Variants in UNC5C observed in about 807,000 individuals in gnomAD.
UNC5C encodes unc-5 netrin receptor C.
A neutral mutation model predicts 99.8 loss-of-function variants in UNC5C; 47 were observed. The ratio of observed to expected loss-of-function variants is 0.47; its 90% CI spans 0.37 to 0.60. UNC5C has a LOEUF of 0.60. UNC5C is among the 20% of genes least tolerant of loss of function. The pLI is 0.00. For synonymous variants in UNC5C, 487 were observed against 452.2 expected, an observed-to-expected ratio of 1.08 and a Z score of -0.98; for missense variants, 1,062 against 1,165.9, an observed-to-expected ratio of 0.91 and a Z score of 1.30.
intron 1 of UNC5C, among the ~76,000 whole-genome samples, chr4:95,401,512 G>A (rs1162572091): frequency 6.6e-6 from 1 of 151,964 alleles, no homozygotes; most frequent in African/African-American, 2.4e-5. Context: ...TTAATATGTT[G>A]CCCAGGTTGG....
In UNC5C at chr4:95,548,807, T is replaced by C; in HGVS notation, c.51A>G (p.Gly17=). The C allele has an allele frequency of 6.2e-7, 1 of 1,613,134 alleles. No individual in the cohort carries two copies. The change falls in exon 1 of 16, where the codon GGA becomes GGG. Residue 17 remains glycine (G), a synonymous_variant. Transcript: ENST00000453304. ...ATAARCGLGL[G]YLLQMLVLPA... is the part of the protein sequence containing the mutation. ...GTAGCACGAGCATTTGCAGCAAGTATCCCAGTCCCAGTCCGCAGCGGGCCG... is the reference window on the plus strand; with the variant it reads ...GTAGCACGAGCATTTGCAGCAAGTACCCCAGTCCCAGTCCGCAGCGGGCCG...
intron 1 of UNC5C, among the ~76,000 whole-genome samples, chr4:95,400,165 G>A (rs1745645775): frequency 1.3e-5 from 2 of 152,114 alleles, no homozygotes; most frequent in Non-Finnish European, 1.5e-5. Context: ...CGTGCAGAAG[G>A]AGCCTGTGAC....
intron 7 of UNC5C, among the ~76,000 whole-genome samples, chr4:95,226,357 A>G (rs1481125247): frequency 6.6e-6 from 1 of 152,192 alleles, no homozygotes; most frequent in Non-Finnish European, 1.5e-5. Flanking sequence ...GGATATGAAT[A>G]CTTACATCTA....
At chr4:95,199,683 T>C (rs2149359322) in intron 12 of UNC5C, among the ~76,000 whole-genome samples, 1 of 152,314 alleles carries the variant, frequency 6.6e-6, no homozygotes, top group African/African-American at 2.4e-5. Flanking sequence ...ACAAGGTGGC[T>C]GAGGAGAGAA....
At chr4:95,479,335 C>T (rs1371252392) in intron 1 of UNC5C, among the ~76,000 whole-genome samples, 1 of 151,804 alleles carries the variant, frequency 6.6e-6, no homozygotes, top group Non-Finnish European at 1.5e-5. Context: ...TCTATGTGGG[C>T]TTAGGTGATA....
chr4:95,193,075 ATG>A (rs1375674802), intron 12 of UNC5C, among the ~76,000 whole-genome samples: 1 of 152,202 alleles, frequency 6.6e-6, no homozygotes, highest in African/African-American at 2.4e-5. Context: ...GAAATCCAGG[ATG>A]TGTTTCACTC....
chr4:95,424,502 A>ATTT (rs202226117), intron 1 of UNC5C, among the ~76,000 whole-genome samples: 1 of 95,842 alleles, frequency 1.0e-5, no homozygotes, highest in African/African-American at 4.0e-5. Context: ...GGGCTTCAGA[A>ATTT]TTTTTTTTTT....
chr4:95,215,742 T>C (rs1485109698), intron 10 of UNC5C, among the ~76,000 whole-genome samples: 1 of 152,172 alleles, frequency 6.6e-6, no homozygotes, highest in Non-Finnish European at 1.5e-5. Flanking sequence ...TGTCCAATCC[T>C]TTGTGACCTT....
At chr4:95,352,179 T>C (rs1744014923) in intron 1 of UNC5C, among the ~76,000 whole-genome samples, 1 of 152,136 alleles carries the variant, frequency 6.6e-6, no homozygotes, top group Non-Finnish European at 1.5e-5. Context: ...ATCAGACTCC[T>C]TACTAAGGCC....
At position 95,211,131 on chromosome 4, in the gene UNC5C, A is replaced by G. The variant is rs539232615; in HGVS notation, c.1734-4335T>C. On this transcript the variant is annotated intron_variant, in intron 10 of 15. Coordinates refer to ENST00000453304, the MANE Select transcript of UNC5C (RefSeq NM_003728.4). ...AGGCTCAAGGAAAGAATCTGTCTCC[A>G]TCCACCTCTGTGGGAACAGGAGATG... Among the ~76,000 whole-genome samples the G allele has an allele frequency of 7.2e-5, 11 of 152,318 alleles. No individual in the cohort carries two copies. The East Asian group carries it at 2.1e-3, about 29-fold the overall frequency.
chr4:95,200,632 G>C (rs1345845241), intron 12 of UNC5C, among the ~76,000 whole-genome samples: 1 of 152,160 alleles, frequency 6.6e-6, no homozygotes, highest in Non-Finnish European at 1.5e-5. Context: ...CAGTCATCTT[G>C]ATTATTTTTA....
At chr4:95,275,602 G>A (rs1488705371) in intron 4 of UNC5C, among the ~76,000 whole-genome samples, 1 of 152,056 alleles carries the variant, frequency 6.6e-6, no homozygotes, top group Non-Finnish European at 1.5e-5. Context: ...TGCCAAAATA[G>A]GGAAGAAGTA....
At chr4:95,325,927 A>G (rs1382566471) in intron 2 of UNC5C, among the ~76,000 whole-genome samples, 1 of 152,156 alleles carries the variant, frequency 6.6e-6, no homozygotes, top group East Asian at 1.9e-4. Context: ...ATTGTATTGC[A>G]TAGCTCTTTT....
chr4:95,355,768 T>C (rs28369639), intron 1 of UNC5C, among the ~76,000 whole-genome samples: 20,911 of 152,178 alleles, frequency 0.14, 1,657 homozygotes, highest in African/African-American at 0.2. Context: ...CGAGGTTTGC[T>C]GAATAAATGG....
chr4:95,444,472 C>A (rs1330558633), intron 1 of UNC5C, among the ~76,000 whole-genome samples: 1 of 152,122 alleles, frequency 6.6e-6, no homozygotes, highest in Non-Finnish European at 1.5e-5. Flanking sequence ...GCTGGGACTA[C>A]AGGGGCCTGC....
chr4:95,218,221 A>G (rs1738333235), intron 9 of UNC5C, among the ~76,000 whole-genome samples: 1 of 152,216 alleles, frequency 6.6e-6, no homozygotes, highest in Non-Finnish European at 1.5e-5. Context: ...GGAAGCCATT[A>G]ACCCTTTTAT....
chr4:95,396,372 G>A (rs917773654), intron 1 of UNC5C, among the ~76,000 whole-genome samples: 4 of 152,202 alleles, frequency 2.6e-5, no homozygotes, highest in African/African-American at 9.7e-5. Flanking sequence ...GAGATAAGAA[G>A]AGGAGAGAAA....
intron 3 of UNC5C, among the ~76,000 whole-genome samples, chr4:95,282,752 C>CAGG (rs1270893406): frequency 6.6e-6 from 1 of 152,154 alleles, no homozygotes; most frequent in African/African-American, 2.4e-5. Flanking sequence ...GGGTGTCAGG[C>CAGG]AGGACCCTCT....
intron 2 of UNC5C, among the ~76,000 whole-genome samples, chr4:95,312,406 AC>A (rs1742308627): frequency 1.3e-5 from 2 of 152,216 alleles, no homozygotes; most frequent in Admixed American, 1.3e-4. Flanking sequence ...TATAGTTACA[AC>A]AGAAAATAAA....
Sources: gnomAD v4.1 joint callset for allele counts (sites outside exome capture counted in the v4.1 genomes callset) on GRCh38, gnomAD v4.1.1 for gene constraint, MANE v1.5 for transcripts, NCBI Gene and HGNC (gene_info 2026-07-23, HGNC 2026-07-21) for gene names.